Variants in CASD1 observed in about 807,000 individuals in gnomAD.
The protein encoded by CASD1 is N-acetylneuraminate (7)9-O-acetyltransferase.
In CASD1, 41 loss-of-function variants were observed where a neutral mutation model predicts 100.0. That is an observed-to-expected ratio of 0.41 (90% confidence interval 0.32 to 0.53). The LOEUF (loss-of-function observed/expected upper bound fraction) is 0.53. CASD1 is among the 20% of genes least tolerant of loss of function. The pLI is 0.25. For synonymous variants in CASD1, 321 were observed against 315.6 expected, an observed-to-expected ratio of 1.02 and a Z score of -0.18; for missense variants, 774 against 948.7, an observed-to-expected ratio of 0.82 and a Z score of 2.42.
chr7:94,527,218 T>A lies in CASD1; in HGVS notation c.396+12T>A. 6.3e-7 allele frequency: 1 copy of A among 1,585,170 alleles called. No homozygotes were observed. Among genetic ancestry groups the A allele is most frequent in the Non-Finnish European group, 8.7e-7 (1 of 1,154,732 alleles). Reference sequence around the variant, plus strand: ...CATCAGTTAAAGTGGTAAGTTCATGTAATAGTAAGCTAGATGTTACAATGT... The same window carrying A: ...CATCAGTTAAAGTGGTAAGTTCATGAAATAGTAAGCTAGATGTTACAATGT... On this transcript the variant is annotated intron_variant, in intron 4 of 17. Coordinates refer to ENST00000297273, the MANE Select transcript of CASD1 (RefSeq NM_022900.5).
At chr7:94,533,076 G>T in intron 5 of CASD1, 129 bp from the exon 6 acceptor site, 1 of 527,206 alleles carries the variant, frequency 1.9e-6, no homozygotes, top group Non-Finnish European at 3.2e-6. Flanking sequence ...TAATAATAAG[G>T]AATTCTAAAA....
At chr7:94,562,259 C>A in the CASD1 span, among the ~76,000 whole-genome samples, 4 of 152,134 alleles carry the variant, frequency 2.6e-5, no homozygotes, top group Non-Finnish European at 5.9e-5. Context: ...ATTCTTGATC[C>A]CTTTTTCCTT....
chr7:94,618,790 C>A, the CASD1 span: 1 of 1,613,800 alleles, frequency 6.2e-7, no homozygotes, highest in Non-Finnish European at 8.5e-7. Context: ...GAAGTGGCAC[C>A]CTGCCACCCC....
intron 1 of CASD1, among the ~76,000 whole-genome samples, chr7:94,512,510 A>G (rs1215500700): frequency 6.6e-6 from 1 of 152,248 alleles, no homozygotes; most frequent in African/African-American, 2.4e-5. Context: ...CTTGCTTTAC[A>G]AACTACCGAA....
the CASD1 span, among the ~76,000 whole-genome samples, chr7:94,601,374 TA>T: frequency 7.0e-6 from 1 of 142,158 alleles, no homozygotes; most frequent in Non-Finnish European, 1.5e-5. Flanking sequence ...CTGACAGAAG[TA>T]ACTTTTATGG....
chr7:94,617,856 C>A, the CASD1 span: 10 of 152,180 alleles, frequency 6.6e-5, no homozygotes, highest in Non-Finnish European at 1.5e-4. Flanking sequence ...AAATTTAATT[C>A]TTACTAATCC....
the CASD1 span, chr7:94,628,137 TACACACACAC>T: frequency 8.1e-6 from 8 of 991,930 alleles, no homozygotes; most frequent in African/African-American, 3.2e-5. Context: ...CAAATTACAA[TACACACACAC>T]ACACACACAC....
At chr7:94,565,116 ACTC>A in the CASD1 span, among the ~76,000 whole-genome samples, 2 of 151,380 alleles carry the variant, frequency 1.3e-5, no homozygotes, top group African/African-American at 4.9e-5. Flanking sequence ...TATGTATACT[ACTC>A]CTTCCCATTA....
the CASD1 span, chr7:94,599,038 T>G: frequency 9.4e-7 from 1 of 1,067,788 alleles, no homozygotes; most frequent in Non-Finnish European, 1.4e-6. Context: ...TTTGAAAAAC[T>G]TATGAAGTAT....
chr7:94,550,208 C>T (rs1795882526), intron 14 of CASD1, among the ~76,000 whole-genome samples: 1 of 152,106 alleles, frequency 6.6e-6, no homozygotes, highest in Non-Finnish European at 1.5e-5. Context: ...AAATCTAGCA[C>T]AGCATTTGGA....
At chr7:94,511,936 G>A (rs1308836031) in intron 1 of CASD1, among the ~76,000 whole-genome samples, 1 of 152,198 alleles carries the variant, frequency 6.6e-6, no homozygotes, top group East Asian at 1.9e-4. Flanking sequence ...CCAGAAGTAA[G>A]TCATCAGTTT....
chr7:94,600,517 G>A, the CASD1 span: 23 of 702,344 alleles, frequency 3.3e-5, no homozygotes, highest in South Asian at 8.3e-5. Flanking sequence ...AAGTATTGCA[G>A]TTTGGACACA....
chr7:94,559,874 A>G (rs1339067188), downstream of CASD1, among the ~76,000 whole-genome samples: 3 of 152,214 alleles, frequency 2.0e-5, no homozygotes, highest in African/African-American at 7.2e-5. Flanking sequence ...ACTAAGAAAA[A>G]TGGAATAATT....
intron 13 of CASD1, among the ~76,000 whole-genome samples, chr7:94,547,934 C>T (rs6962655): frequency 0.53 from 80,038 of 151,200 alleles, 21,944 homozygotes; most frequent in South Asian, 0.73. Context: ...AATCCTATGC[C>T]GTTTGGGTTT....
chr7:94,541,433 T>G (rs56383723), intron 10 of CASD1, among the ~76,000 whole-genome samples: 4,117 of 151,608 alleles, frequency 0.027, 84 homozygotes, highest in Non-Finnish European at 0.039. Context: ...GTGTAAACAT[T>G]ATTTTAAAGT....
At chr7:94,587,883 G>C in the CASD1 span, 3 of 1,502,470 alleles carry the variant, frequency 2.0e-6, no homozygotes, top group Admixed American at 4.9e-5. Context: ...TTCTGAATGT[G>C]CCTGAAGTTT....
the CASD1 span, chr7:94,588,457 C>T: frequency 2.2e-6 from 3 of 1,339,658 alleles, no homozygotes; most frequent in Admixed American, 6.2e-5. Context: ...TTAGACAGGA[C>T]CTCCATGGAT....
chr7:94,550,115 C>T (rs1795877181), intron 14 of CASD1, among the ~76,000 whole-genome samples: 1 of 152,014 alleles, frequency 6.6e-6, no homozygotes, highest in Non-Finnish European at 1.5e-5. Context: ...TAGAAGTGTG[C>T]AAAGAAGAAA....
At chr7:94,583,281 T>G in the CASD1 span, among the ~76,000 whole-genome samples, 5 of 152,132 alleles carry the variant, frequency 3.3e-5, no homozygotes, top group African/African-American at 1.2e-4. Context: ...TTTAGGGGCT[T>G]TCAATTTCAT....
Sources: gnomAD v4.1 joint callset for allele counts (sites outside exome capture counted in the v4.1 genomes callset) on GRCh38, gnomAD v4.1.1 for gene constraint, MANE v1.5 for transcripts, NCBI Gene and HGNC (gene_info 2026-07-23, HGNC 2026-07-21) for gene names.